The following CHD1 variants were observed in gnomAD, a reference collection of about 807,000 sequenced individuals.
CHD1 encodes ATP-dependent chromatin remodeler CHD1.
Under a neutral mutation model 224.2 loss-of-function variants are expected in CHD1, and 36 were observed. The observed-to-expected ratio is 0.16, with a 90% CI of 0.12 to 0.21. The LOEUF (loss-of-function observed/expected upper bound fraction) is 0.21. Ranked by LOEUF, CHD1 falls within the 10% of genes least tolerant of loss-of-function variation. The pLI, the probability that CHD1 is intolerant of heterozygous loss-of-function variation, is 1.00. For synonymous variants in CHD1, 668 were observed against 658.3 expected (o/e 1.01, Z -0.23); for missense variants, 1,378 against 1,994.8 (o/e 0.69, Z 5.89).
chr5:98,911,175 A>ATATATATATATATATAT (rs1554081101), intron 2 of CHD1, among the ~76,000 whole-genome samples: 3 of 138,552 alleles, frequency 2.2e-5, no homozygotes, highest in African/African-American at 8.2e-5. Context: ...ATATATATAT[A>ATATATATATATATATAT]TAGAGGCATG....
chr5:98,917,827 C>G (rs1752837387), intron 2 of CHD1, among the ~76,000 whole-genome samples: 1 of 152,150 alleles, frequency 6.6e-6, no homozygotes, highest in Admixed American at 6.5e-5. Context: ...AAGTTGACTT[C>G]TGACTCAACA....
chr5:98,913,923 G>T lies in CHD1; in HGVS notation c.54-8825C>A, dbSNP rs528651662. Among the ~76,000 whole-genome samples the T allele has an allele frequency of 6.6e-5, 10 of 150,454 alleles. No individual in the cohort carries two copies. The South Asian group carries it at 2.1e-3, about 32-fold the overall frequency. On this transcript the variant is annotated intron_variant, in intron 2 of 35. Coordinates refer to ENST00000614616, the MANE Select transcript of CHD1 (RefSeq NM_001270.4). ...CTCATTTCTTATGATGAGAGTAGTA[G>T]TTTTTTTTTTAAAAAATTCCTTAAT...
intron 2 of CHD1, among the ~76,000 whole-genome samples, chr5:98,907,588 C>CAAAAAAAAAA (rs34839165): frequency 2.3e-5 from 2 of 87,516 alleles, no homozygotes; most frequent in Admixed American, 1.4e-4. Flanking sequence ...AACTCCATCT[C>CAAAAAAAAAA]AAAAAAAAAA....
chr5:98,926,466 G>A lies in CHD1; in HGVS notation c.-80C>T. On this transcript the variant is annotated 5_prime_UTR_variant, in exon 2 of 36. Coordinates refer to ENST00000614616, the MANE Select transcript of CHD1 (RefSeq NM_001270.4). ...AGATGAATATAAATACTGACTCCTT[G>A]AATATAAAAATTCACAGATGAATTT... The A allele has an allele frequency of 4.6e-6, 3 of 651,054 alleles. No homozygotes were observed. The highest frequency in any genetic ancestry group is 7.2e-6 in the Non-Finnish European group (3 of 418,318). 40.3% of individuals were successfully genotyped at this position (651,054 alleles called of 1,614,324 possible). A position where few individuals can be genotyped will look rare whatever the true frequency, so the allele number is the denominator to read the frequency against.
intron 21 of CHD1, 40 bp from the exon 22 acceptor site, chr5:98,881,211 T>C (rs756841842): frequency 1.2e-5 from 17 of 1,441,138 alleles, no homozygotes; most frequent in Non-Finnish European, 1.5e-5. Context: ...ACTTGAATCC[T>C]TTCATCCTGT....
chr5:98,901,112 A>G (rs569013112), intron 6 of CHD1, 30 bp from the exon 7 acceptor site: 1 of 1,566,696 alleles, frequency 6.4e-7, no homozygotes, highest in African/African-American at 1.4e-5. Flanking sequence ...AAAAAAAACA[A>G]GATTTGAGAA....
intron 3 of CHD1, 140 bp downstream of exon 3, chr5:98,904,757 G>A: frequency 1.3e-6 from 1 of 753,510 alleles, no homozygotes; most frequent in Non-Finnish European, 2.2e-6. Context: ...CACCATGAAT[G>A]TGAGAATCAC....
At chr5:98,889,615 ATACCTGGT>A in intron 15 of CHD1, 1 of 155,754 alleles carries the variant, frequency 6.4e-6, no homozygotes, top group South Asian at 2.0e-4. Flanking sequence ...AAACCTGAGG[ATACCTGGT>A]TTTAGCCACG....
At chr5:98,907,526 T>C (rs886397893) in intron 2 of CHD1, among the ~76,000 whole-genome samples, 1 of 142,828 alleles carries the variant, frequency 7.0e-6, no homozygotes, top group African/African-American at 2.7e-5. Flanking sequence ...AGGCGGAGGT[T>C]GCAGTGAGCC....
rs1751413967 is a variant in CHD1, at chr5:98,897,402, T to C, written c.1366-82A>G. On this transcript the variant is annotated intron_variant, in intron 10 of 35. Transcript: ENST00000614616. ...AAAGATGAAAGCCTCAGCTTTACCA[T>C]AAATTCTTAAATTTCATCTCTAATC... is the stretch of plus-strand genomic sequence containing the variant. The C allele has an allele frequency of 1.1e-5, 11 of 974,850 alleles. No individual in the cohort carries two copies. The South Asian group carries it at 1.4e-4, about 13-fold the overall frequency. The allele number at this position is 974,850 out of a possible 1,614,324, so 60.4% of individuals were successfully genotyped here.
At chr5:98,863,617 C>T (rs1748638341) in intron 31 of CHD1, 31 bp from the exon 32 acceptor site, 2 of 1,528,270 alleles carry the variant, frequency 1.3e-6, no homozygotes, top group Admixed American at 2.1e-5. Flanking sequence ...AATATAAACA[C>T]ATGTATTAAA....
At position 98,899,593 on chromosome 5, in the gene CHD1, T is replaced by C. The variant is rs1751560020; in HGVS notation, c.972A>G (p.Gly324=). ...GEIQYLIKWK[G]WSHIHNTWET... ...CCCAAGTGTTGTGGATATGGGACCATCCTTTCCATTTAATTAAATACTGAA... is the reference window on the plus strand; with the variant it reads ...CCCAAGTGTTGTGGATATGGGACCACCCTTTCCATTTAATTAAATACTGAA... Residue 324 remains glycine (G), a synonymous_variant, in exon 8 of 36, where the codon GGA becomes GGG. Coordinates refer to ENST00000614616, the MANE Select transcript of CHD1 (RefSeq NM_001270.4). 1.2e-6 allele frequency: 2 copies of C among 1,613,740 alleles called. No individual in the cohort carries two copies. Among genetic ancestry groups the C allele is most frequent in the Non-Finnish European group, 8.5e-7 (1 of 1,179,726 alleles).
chr5:98,877,262 G>C (rs1489411804), intron 23 of CHD1, among the ~76,000 whole-genome samples: 1 of 152,162 alleles, frequency 6.6e-6, no homozygotes, highest in African/African-American at 2.4e-5. Flanking sequence ...TAAAAATGGG[G>C]TTGTAGAATA....
intron 23 of CHD1, among the ~76,000 whole-genome samples, chr5:98,878,392 G>C (rs2112371839): frequency 6.6e-6 from 1 of 152,380 alleles, no homozygotes; most frequent in African/African-American, 2.4e-5. Context: ...AATGGTAGCA[G>C]GGCAGGGACT....
At chr5:98,886,389 G>A (rs1045460081) in intron 17 of CHD1, among the ~76,000 whole-genome samples, 2 of 152,178 alleles carry the variant, frequency 1.3e-5, no homozygotes, top group African/African-American at 4.8e-5. Flanking sequence ...ATAGACTATA[G>A]AGAACTCAGT....
chr5:98,878,107 C>G (rs775522961), intron 23 of CHD1, among the ~76,000 whole-genome samples: 1 of 152,148 alleles, frequency 6.6e-6, no homozygotes. Context: ...GCTGAGTGTA[C>G]GCTATTGTGA....
At chr5:98,897,584 T>G (rs139315088) in intron 10 of CHD1, among the ~76,000 whole-genome samples, 98 of 152,318 alleles carry the variant, frequency 6.4e-4, no homozygotes, top group African/African-American at 2.3e-3. Context: ...ATGAGTCTCA[T>G]GTATTTCACA....
intron 32 of CHD1, 62 bp downstream of exon 32, chr5:98,863,346 A>C: frequency 1.8e-6 from 1 of 567,070 alleles, no homozygotes; most frequent in Non-Finnish European, 2.4e-6. Context: ...AAAGAAAACA[A>C]AAAAAAAAAA....
chr5:98,854,162 G>A lies in CHD1; in HGVS notation c.*2218C>T, dbSNP rs1464203374. 7.2e-6 allele frequency: 1 copy of A among 138,812 alleles called. No individual in the cohort carries two copies. Among genetic ancestry groups the A allele is most frequent in the African/African-American group, 3.0e-5 (1 of 33,012 alleles). The allele number at this position is 138,812 out of a possible 1,614,324, so 8.6% of individuals were successfully genotyped here. On this transcript the variant is annotated 3_prime_UTR_variant, in exon 36 of 36. Transcript: ENST00000614616. ...TTATGTACTAATGTTCTTCACCATT[G>A]CGTCTTAATTTTTCTGATTTCTTAC...
Sources: allele counts gnomAD v4.1 joint callset (sites outside exome capture counted in the v4.1 genomes callset), GRCh38; gene constraint gnomAD v4.1.1; transcripts MANE v1.5; gene names NCBI Gene and HGNC (gene_info 2026-07-23, HGNC 2026-07-21).